The following OSBP variants were observed in gnomAD, a reference collection of about 807,000 sequenced individuals.
The protein encoded by OSBP is oxysterol binding protein.
A neutral mutation model predicts 96.6 loss-of-function variants in OSBP; 32 were observed. The observed-to-expected ratio is 0.33, with a 90% confidence interval of 0.25 to 0.45. The LOEUF is 0.45. OSBP is among the 20% of genes least tolerant of loss of function. The pLI, the probability that OSBP is intolerant of heterozygous loss-of-function variation, is 1.00. For missense variants in OSBP, 653 were observed against 1,029.7 expected (o/e 0.63, Z 5.01); for synonymous variants, 369 against 389.6 (o/e 0.95, Z 0.62).
At chr11:59,606,443 A>C (rs1860781992) in intron 3 of OSBP, among the ~76,000 whole-genome samples, 1 of 152,136 alleles carries the variant, frequency 6.6e-6, no homozygotes, top group Non-Finnish European at 1.5e-5. Flanking sequence ...GAAAAAAAAA[A>C]AAAACACATC....
At chr11:59,585,485 C>T (rs1860488133) in intron 9 of OSBP, among the ~76,000 whole-genome samples, 1 of 152,046 alleles carries the variant, frequency 6.6e-6, no homozygotes, top group African/African-American at 2.4e-5. Context: ...CGGCAGCCAC[C>T]CCGTCTGGGA....
intron 12 of OSBP, among the ~76,000 whole-genome samples, chr11:59,577,886 C>T (rs1224946599): frequency 6.6e-6 from 1 of 152,202 alleles, no homozygotes; most frequent in African/African-American, 2.4e-5. Context: ...TAGAAAAATA[C>T]CCTTCTGAAT....
chr11:59,578,420 G>A, intron 11 of OSBP, 90 bp from the exon 12 acceptor site: 2 of 1,222,668 alleles, frequency 1.6e-6, no homozygotes, highest in Non-Finnish European at 2.3e-6. Flanking sequence ...ATAAATAATG[G>A]TTAGGTCCTG....
At chr11:59,610,999 C>T (rs1167932717) in intron 1 of OSBP, among the ~76,000 whole-genome samples, 4 of 151,268 alleles carry the variant, frequency 2.6e-5, no homozygotes, top group Admixed American at 6.6e-5. Flanking sequence ...GCCAGGCGTG[C>T]GGGTGTGTGC....
At chr11:59,599,703 C>A (rs1860696370) in intron 7 of OSBP, among the ~76,000 whole-genome samples, 1 of 151,984 alleles carries the variant, frequency 6.6e-6, no homozygotes, top group Non-Finnish European at 1.5e-5. Flanking sequence ...GTATTAGCCA[C>A]AGCAGAAAAA....
intron 10 of OSBP, among the ~76,000 whole-genome samples, chr11:59,581,090 T>C (rs1860415057): frequency 6.6e-6 from 1 of 152,198 alleles, no homozygotes; most frequent in South Asian, 2.1e-4. Context: ...GAGGGACATC[T>C]CATCAGACTT....
intron 1 of OSBP, 39 bp downstream of exon 1, chr11:59,615,264 G>T: frequency 2.6e-6 from 4 of 1,521,444 alleles, no homozygotes; most frequent in Non-Finnish European, 2.7e-6. Flanking sequence ...GCAGATATGG[G>T]GGAGGCAAGG....
chr11:59,578,040 T>TGCTCAATTCCCCAC, intron 12 of OSBP, 109 bp downstream of exon 12: 1 of 991,848 alleles, frequency 1.0e-6, no homozygotes, highest in Non-Finnish European at 1.5e-6. Context: ...CAATTTCCCT[T>TGCTCAATTCCCCAC]GCTCAATTCC....
At chr11:59,590,958 T>C (rs1860571399) in intron 9 of OSBP, among the ~76,000 whole-genome samples, 1 of 152,232 alleles carries the variant, frequency 6.6e-6, no homozygotes, top group African/African-American at 2.4e-5. Flanking sequence ...CCCATGAAGA[T>C]GGGGATTTTT....
rs1474518974 is a variant in OSBP at position 59,615,657 on chromosome 11, G to A, written c.8C>T (p.Ala3Val). The A allele has an allele frequency of 4.5e-6, 6 of 1,335,626 alleles. No homozygotes were observed. Among genetic ancestry groups the A allele is most frequent in the South Asian group, 3.7e-5 (2 of 54,206 alleles). 82.7% of individuals were successfully genotyped at this position (1,335,626 alleles called of 1,614,324 possible). ...CCCCACCACTCCTCTCAGCTCCGTC[G>A]CCGCCATGAGCCGCCGCCGCCTGGA... is the stretch of plus-strand genomic sequence containing the variant. MA[A>V]TELRGVVGPG... The change falls in exon 1 of 14, where the codon GCG becomes GTG. Residue 3 changes from alanine (A) to valine (V), a missense_variant. Ala to Val is a moderately conservative substitution (Grantham distance 64). Transcript: ENST00000263847.
intron 2 of OSBP, 144 bp downstream of exon 2, chr11:59,610,237 A>T (rs1860827677): frequency 1.4e-6 from 1 of 719,078 alleles, no homozygotes; most frequent in Non-Finnish European, 2.4e-6. Flanking sequence ...TCACTCCAGC[A>T]GAAATACTGC....
At chr11:59,615,165 G>C (rs1860906993) in intron 1 of OSBP, 138 bp downstream of exon 1, 1 of 644,410 alleles carries the variant, frequency 1.6e-6, no homozygotes, top group Admixed American at 2.6e-5. Context: ...CGACCCCTGG[G>C]CTGTCAATCC....
intron 8 of OSBP, 25 bp downstream of exon 8, chr11:59,593,985 C>T (rs770749345): frequency 3.0e-5 from 48 of 1,609,994 alleles, no homozygotes; most frequent in Non-Finnish European, 3.8e-5. Context: ...AAAGGAAATG[C>T]GTTATGGTTC....
intron 3 of OSBP, among the ~76,000 whole-genome samples, chr11:59,605,258 A>G (rs1005044201): frequency 7.2e-5 from 11 of 152,094 alleles, no homozygotes; most frequent in Admixed American, 3.9e-4. Flanking sequence ...CTCCCCCACA[A>G]TTAACTCCTC....
rs1196897419 is a variant in OSBP, at chr11:59,583,940, GTT to G, written c.1679-2388_1679-2387del. ...GGCATGAGCCACCACACCTGATGGT[GTT>G]TTTTTTTTTTTTTTTTTTTTTGAGA... is the stretch of plus-strand genomic sequence containing the variant. On this transcript the variant is annotated intron_variant, in intron 9 of 13. Transcript: ENST00000263847. 9.3e-3 allele frequency among the ~76,000 whole-genome samples: 866 copies of G among 93,540 alleles called. 1 individual carries two copies. The highest frequency in any genetic ancestry group is 0.036 in the African/African-American group (798 of 21,900). The allele number at this position is 93,540 out of a possible 152,430, so 61.4% of individuals were successfully genotyped here.
chr11:59,574,650 G>A lies in OSBP; in HGVS notation c.*1927C>T, dbSNP rs1011612603. The A allele has an allele frequency of 6.8e-6, 1 of 146,768 alleles. No individual in the cohort carries two copies. The highest frequency in any genetic ancestry group is 2.2e-4 in the South Asian group (1 of 4,558). 9.1% of individuals were successfully genotyped at this position (146,768 alleles called of 1,614,324 possible). ...TTGGGGAATTCTCACTCTATCCAAA[G>A]CCCCGGATGAGGTCACTGCTTTTAT... is the stretch of plus-strand genomic sequence containing the variant. On this transcript the variant is annotated 3_prime_UTR_variant, in exon 14 of 14. Transcript: ENST00000263847.
At chr11:59,584,811 G>T (rs528891911) in intron 9 of OSBP, among the ~76,000 whole-genome samples, 18 of 151,996 alleles carry the variant, frequency 1.2e-4, no homozygotes, top group Non-Finnish European at 1.6e-4. Context: ...GCAAGAAAAA[G>T]AAATAAAAGG....
intron 8 of OSBP, 21 bp downstream of exon 8, chr11:59,593,984 GCGTTA>G: frequency 3.1e-6 from 5 of 1,609,964 alleles, no homozygotes; most frequent in Non-Finnish European, 4.2e-6. Context: ...GAAAGGAAAT[GCGTTA>G]TGGTTCTGAG....
rs568680226 is a variant in OSBP, at chr11:59,594,258, GT to G, written c.1312-4del. On this transcript the variant is annotated splice_polypyrimidine_tract_variant and splice_region_variant and intron_variant, in intron 7 of 13. Coordinates refer to ENST00000263847, the MANE Select transcript of OSBP (RefSeq NM_002556.3). Reference sequence around the variant, plus strand: ...GACAAGGGCTCATTAAAGTTTACCTGTAAGGAGAAGAACAGATATAAAAACT... The same window carrying G: ...GACAAGGGCTCATTAAAGTTTACCTGAAGGAGAAGAACAGATATAAAAACT... The G allele has an allele frequency of 2.1e-3, 3,421 of 1,613,786 alleles. 70 individuals are homozygous for G. In the African/African-American group the frequency reaches 0.041, roughly 19 times the overall value.
Sources: allele counts gnomAD v4.1 joint callset (sites outside exome capture counted in the v4.1 genomes callset), GRCh38; gene constraint gnomAD v4.1.1; transcripts MANE v1.5; gene names NCBI Gene and HGNC (gene_info 2026-07-23, HGNC 2026-07-21).